DNAAF2: variants seen among roughly 807,000 people sequenced by gnomAD.
DNAAF2 encodes the protein dynein axonemal assembly factor 2, also known as protein kintoun.
Under a neutral mutation model 48.8 loss-of-function variants are expected in DNAAF2, and 58 were observed. The ratio of observed to expected loss-of-function variants is 1.19; its 90% CI spans 0.96 to 1.48. The LOEUF is 1.48. Among genes scored for constraint, DNAAF2 ranks in the 40% most tolerant of loss-of-function variants. The pLI is 0.00. For missense variants in DNAAF2, 1,241 were observed against 1,116.1 expected (o/e 1.11, Z -1.59); for synonymous variants, 567 against 481.2 (o/e 1.18, Z -2.33).
At position 49,634,335 on chromosome 14, in the gene DNAAF2, C is replaced by G. The variant is rs1020964534; in HGVS notation, c.815G>C (p.Arg272Thr). The change falls in exon 1 of 3, where the codon AGG becomes ACG. Residue 272 changes from arginine to threonine, a missense_variant. Transcript: ENST00000298292. Reference protein sequence around the residue: ...HVDLQDYRCSRDSAPSPVPHE... With the variant: ...HVDLQDYRCSTDSAPSPVPHE... ...GGGCACGGGGCTCGGGGCTGAGTCCCTGGAGCAGCGGTAATCCTGGAGGTC... is the reference window on the plus strand; with the variant it reads ...GGGCACGGGGCTCGGGGCTGAGTCCGTGGAGCAGCGGTAATCCTGGAGGTC... The G allele has an allele frequency of 6.2e-7, 1 of 1,611,266 alleles. No individual in the cohort carries two copies. Among genetic ancestry groups the G allele is most frequent in the Admixed American group, 1.7e-5 (1 of 59,956 alleles).
rs1267354981 is a variant in DNAAF2, at chr14:49,634,456, C to T, written c.694G>A (p.Ala232Thr). ...PDFPYPYQYPAAPGPRAPSPP... is the reference protein window; with the variant it reads ...PDFPYPYQYPTAPGPRAPSPP... Reference sequence around the variant, plus strand: ...GAGGGCGCCCGGGGCCCGGGGGCTGCCGGGTACTGGTAAGGGTAGGGGAAG... The same window carrying T: ...GAGGGCGCCCGGGGCCCGGGGGCTGTCGGGTACTGGTAAGGGTAGGGGAAG... Residue 232 changes from alanine to threonine, a missense_variant, in exon 1 of 3, where the codon GCA becomes ACA. Ala to Thr is a moderately conservative substitution (Grantham distance 58). Transcript: ENST00000298292. 3 of 1,561,860 alleles carry T rather than the reference C, an allele frequency of 1.9e-6. No homozygotes were observed. The highest frequency in any genetic ancestry group is 1.7e-6 in the Non-Finnish European group (2 of 1,157,734).
rs767757948 is a variant in DNAAF2 at position 49,633,747 on chromosome 14, G to A, written c.1403C>T (p.Pro468Leu). Residue 468 changes from proline to leucine, a missense_variant, in exon 1 of 3, where the codon CCT (proline) becomes CTT (leucine). Transcript: ENST00000298292. ...GENSPGGGGS[P>L]CLSSRSLAWG... The stretch of plus-strand genomic sequence containing the variant: ...CGCCAGGCTCCGGGAGGACAAACAA[G>A]GGGAGCCTCCGCCACCAGGTGAGTT... 4 of 1,593,186 alleles carry A rather than the reference G, an allele frequency of 2.5e-6. No homozygotes were observed. Among genetic ancestry groups the A allele is most frequent in the African/African-American group, 2.7e-5 (2 of 74,426 alleles).
intron 2 of DNAAF2, among the ~76,000 whole-genome samples, chr14:49,626,490 AAAAG>A (rs1329610750): frequency 6.6e-6 from 1 of 152,168 alleles, no homozygotes; most frequent in Non-Finnish European, 1.5e-5. Context: ...CCCTGTCAAA[AAAAG>A]AAAAAGACAG....
chr14:49,631,755 C>T (rs986244809), intron 1 of DNAAF2, among the ~76,000 whole-genome samples: 26 of 152,178 alleles, frequency 1.7e-4, no homozygotes, highest in African/African-American at 6.0e-4. Context: ...ACACTGAAAA[C>T]TTCAATACAT....
chr14:49,634,773 GC>G lies in DNAAF2; in HGVS notation c.376del (p.Ala126ArgfsTer53). 2 of 1,588,372 alleles carry G rather than the reference GC, an allele frequency of 1.3e-6. No individual in the cohort carries two copies. Among genetic ancestry groups the G allele is most frequent in the Non-Finnish European group, 1.7e-6 (2 of 1,171,548 alleles). The part of the protein sequence containing the change: ...GSHWSLPYSL[A>X]PGREYAGRSS... ...GCGCCCCGCGTACTCGCGGCCGGGCGCCAGGCTGTAGGGCAGGGACCAGTGG... is the reference window on the plus strand; with the variant it reads ...GCGCCCCGCGTACTCGCGGCCGGGCGCAGGCTGTAGGGCAGGGACCAGTGG... On this transcript the variant is annotated frameshift_variant, in exon 1 of 3. Coordinates refer to ENST00000298292, the MANE Select transcript of DNAAF2 (RefSeq NM_018139.3). LOFTEE classifies it high-confidence loss of function.
At chr14:49,631,231 G>A (rs1883155158) in intron 1 of DNAAF2, among the ~76,000 whole-genome samples, 1 of 152,064 alleles carries the variant, frequency 6.6e-6, no homozygotes, top group Admixed American at 6.6e-5. Context: ...CATGCCTCTG[G>A]GAAAAGACAT....
At position 49,634,687 on chromosome 14, in the gene DNAAF2, G is replaced by C. The variant is rs1883288788; in HGVS notation, c.463C>G (p.Arg155Gly). Residue 155 changes from arginine to glycine, a missense_variant, in exon 1 of 3, where the codon CGG becomes GGG. Physicochemically the swap from Arg to Gly is moderately radical, Grantham distance 125. Transcript: ENST00000298292. ...VFHPDALALA[R>G]RHEGFRQMLD... ...ATCTGGCGGAAGCCCTCGTGCCGCC[G>C]GGCCAGCGCAAGCGCGTCTGGATGG... 2.5e-6 allele frequency: 4 copies of C among 1,606,268 alleles called. No individual in the cohort carries two copies. Among genetic ancestry groups the C allele is most frequent in the Non-Finnish European group, 3.4e-6 (4 of 1,179,668 alleles).
chr14:49,628,736 T>A (rs1349409952), intron 1 of DNAAF2, among the ~76,000 whole-genome samples: 53 of 152,146 alleles, frequency 3.5e-4, no homozygotes, highest in Admixed American at 3.5e-3. Flanking sequence ...ATTACAGGTG[T>A]GAGCAACCAC....
rs1882982458 is a variant in DNAAF2, at chr14:49,625,640, C to A, written c.2416G>T (p.Glu806Ter). 1.9e-6 allele frequency: 3 copies of A among 1,613,698 alleles called. No individual in the cohort carries two copies. In the South Asian group the frequency reaches 3.3e-5, roughly 18 times the overall value. Residue 806 changes from glutamate (E) to a stop codon, truncating the protein, a stop_gained, in exon 3 of 3, where the codon GAA (glutamate) becomes TAA (stop). Coordinates refer to ENST00000298292, the MANE Select transcript of DNAAF2 (RefSeq NM_018139.3). LOFTEE classifies it high-confidence loss of function. ...ACACTACCATCCTGCATATTGGTTT[C>A]TTTTATGCTGTCGAATCCAGGTATA... ...HNIPGFDSIK[E>*]TNMQDGSVQV...
In DNAAF2 at chr14:49,634,540, G is replaced by T. The variant is rs755983549; in HGVS notation, c.610C>A (p.Pro204Thr). 1 of 1,602,638 alleles carries T rather than the reference G, an allele frequency of 6.2e-7. No individual in the cohort carries two copies. The highest frequency in any genetic ancestry group is 8.5e-7 in the Non-Finnish European group (1 of 1,179,654). The change falls in exon 1 of 3, where the codon CCC (proline) becomes ACC (threonine). Residue 204 changes from proline to threonine, a missense_variant. Physicochemically the swap from Pro to Thr is conservative, Grantham distance 38 (BLOSUM62 -1). Coordinates refer to ENST00000298292, the MANE Select transcript of DNAAF2 (RefSeq NM_018139.3). The stretch of plus-strand genomic sequence containing the variant: ...CTTGCGGGGATGACCCCGGGCAGGG[G>T]CGTGCGCAGCACCGCAGCCTCTGGG... ...GTPEAAVLRTPLPGVIPARPD... is the reference protein window; with the variant it reads ...GTPEAAVLRTTLPGVIPARPD...
rs763643131 is a variant in DNAAF2, at chr14:49,634,371, C to T, written c.779G>A (p.Arg260His). ...PTEPRYSVVQ[R>H]HHVDLQDYRC... ...GTAATCCTGGAGGTCCACGTGGTGG[C>T]GCTGCACCACGCTGTAGCGAGGCTC... The change falls in exon 1 of 3, where the codon CGC becomes CAC. Residue 260 changes from arginine to histidine, a missense_variant. Physicochemically the swap from Arg to His is conservative, Grantham distance 29. Coordinates refer to ENST00000298292, the MANE Select transcript of DNAAF2 (RefSeq NM_018139.3). 2 of 1,603,084 alleles carry T rather than the reference C, an allele frequency of 1.2e-6. No homozygotes were observed. The highest frequency in any genetic ancestry group is 1.7e-6 in the Non-Finnish European group (2 of 1,175,020).
intron 1 of DNAAF2, among the ~76,000 whole-genome samples, chr14:49,630,093 T>C (rs1566509752): frequency 6.6e-6 from 1 of 151,334 alleles, no homozygotes; most frequent in Non-Finnish European, 1.5e-5. Flanking sequence ...TAGCCGGGAG[T>C]GGTAGCATGC....
intron 1 of DNAAF2, among the ~76,000 whole-genome samples, chr14:49,630,918 T>G (rs1293124307): frequency 1.3e-5 from 2 of 151,984 alleles, no homozygotes; most frequent in Non-Finnish European, 2.9e-5. Flanking sequence ...GCCCAGCTAA[T>G]TTTTGTATTT....
chr14:49,625,810 T>A lies in DNAAF2; in HGVS notation c.2246A>T (p.Lys749Ile). 2 of 1,608,232 alleles carry A rather than the reference T, an allele frequency of 1.2e-6. No homozygotes were observed. The highest frequency in any genetic ancestry group is 1.1e-5 in the South Asian group (1 of 89,326). The change falls in exon 3 of 3, where the codon AAA becomes ATA. Residue 749 changes from lysine to isoleucine, a missense_variant. Physicochemically the swap from Lys to Ile is moderately radical, Grantham distance 102. Transcript: ENST00000298292. ...TTCTTTTATAAATTCAGATTGCATT[T>A]TTGACTCAGGTTGCTGAGATTTTCC... Reference protein sequence around the residue: ...ILGKSQQPESKMQSEFIKEKS... With the variant: ...ILGKSQQPESIMQSEFIKEKS...
Position 49,634,908 on chromosome 14 carries a change from C to A in DNAAF2, c.242G>T (p.Ser81Ile). ...HPEPGHVLRT[S>I]LDGARRCFVN... ...AAAGCAGCGCCGCGCCCCGTCCAGG[C>A]TGGTGCGCAGCACATGGCCGGGCTC... Residue 81 changes from serine to isoleucine, a missense_variant, in exon 1 of 3, where the codon AGC (serine) becomes ATC (isoleucine). By Grantham distance (142) the Ser-to-Ile change is moderately radical. Transcript: ENST00000298292. 1 of 1,551,742 alleles carries A rather than the reference C, an allele frequency of 6.4e-7. No individual in the cohort carries two copies. Among genetic ancestry groups the A allele is most frequent in the Admixed American group, 2.0e-5 (1 of 51,202 alleles).
At chr14:49,631,989 TA>T (rs1416803861) in intron 1 of DNAAF2, among the ~76,000 whole-genome samples, 2 of 152,226 alleles carry the variant, frequency 1.3e-5, no homozygotes, top group Non-Finnish European at 2.9e-5. Context: ...ATTAGTGAAG[TA>T]ATTACAAATC....
intron 2 of DNAAF2, among the ~76,000 whole-genome samples, chr14:49,626,797 G>GTTT (rs1566508178): frequency 1.0e-5 from 1 of 97,526 alleles, no homozygotes; most frequent in African/African-American, 4.4e-5. Context: ...TCTGCTGCCA[G>GTTT]TCTTTTTTTT....
intron 1 of DNAAF2, among the ~76,000 whole-genome samples, chr14:49,630,104 A>G (rs968616038): frequency 2.0e-4 from 30 of 151,876 alleles, no homozygotes; most frequent in African/African-American, 7.3e-4. Flanking sequence ...GGTAGCATGC[A>G]CCTGTGGTCC....
At chr14:49,627,434 T>G (rs1361411502) in intron 2 of DNAAF2, among the ~76,000 whole-genome samples, 1 of 152,248 alleles carries the variant, frequency 6.6e-6, no homozygotes, top group Non-Finnish European at 1.5e-5. Context: ...AGATTGTATG[T>G]CCCTGGACTA....
Sources: gnomAD v4.1 joint callset for allele counts (sites outside exome capture counted in the v4.1 genomes callset) on GRCh38, gnomAD v4.1.1 for gene constraint, MANE v1.5 for transcripts, NCBI Gene and HGNC (gene_info 2026-07-23, HGNC 2026-07-21) for gene names.